Variants in BICC1 observed in about 807,000 individuals in gnomAD.
BICC1 encodes protein bicaudal C homolog 1.
In BICC1, 43 loss-of-function variants were observed where a neutral mutation model predicts 111.0. The observed-to-expected ratio is 0.39, with a 90% CI of 0.30 to 0.50. BICC1 has a LOEUF of 0.50. Ranked by LOEUF, BICC1 falls within the 20% of genes least tolerant of loss-of-function variation. The probability of loss-of-function intolerance (pLI) is 0.88; values close to 1 mark genes in which losing one functional copy is unlikely to be tolerated. For synonymous variants in BICC1, 467 were observed against 434.4 expected, an observed-to-expected ratio of 1.07 and a Z score of -0.93; for missense variants, 1,091 against 1,203.2, an observed-to-expected ratio of 0.91 and a Z score of 1.38.
chr10:58,720,418 TG>T (rs1310265922), intron 3 of BICC1, among the ~76,000 whole-genome samples: 2 of 152,244 alleles, frequency 1.3e-5, no homozygotes, highest in Admixed American at 1.3e-4. Context: ...CTGGGGATTC[TG>T]GCCCTACTTG....
intron 2 of BICC1, among the ~76,000 whole-genome samples, chr10:58,657,497 C>T (rs12569625): frequency 2.0e-5 from 3 of 152,048 alleles, no homozygotes; most frequent in Admixed American, 6.6e-5. Flanking sequence ...TGCAGGTACA[C>T]TGTGATTGAG....
intron 4 of BICC1, 49 bp downstream of exon 4, chr10:58,785,129 G>T: frequency 1.8e-6 from 2 of 1,115,872 alleles, no homozygotes; most frequent in South Asian, 3.2e-5. Context: ...GTCTCTACAA[G>T]GGCTACTTCA....
At chr10:58,520,843 T>A (rs1270664994) in intron 1 of BICC1, among the ~76,000 whole-genome samples, 1 of 148,090 alleles carries the variant, frequency 6.8e-6, no homozygotes, top group Admixed American at 6.7e-5. Flanking sequence ...ATTTTAGGAA[T>A]TTTTTTCCTG....
intron 1 of BICC1, among the ~76,000 whole-genome samples, chr10:58,544,225 A>G (rs146532531): frequency 6.6e-6 from 1 of 152,306 alleles, no homozygotes; most frequent in Non-Finnish European, 1.5e-5. Flanking sequence ...GTTATTTTCA[A>G]GCTTCCAAAT....
At chr10:58,808,866 C>G (rs920881456) in intron 17 of BICC1, among the ~76,000 whole-genome samples, 3 of 151,994 alleles carry the variant, frequency 2.0e-5, no homozygotes, top group African/African-American at 7.2e-5. Context: ...CAGACACCCA[C>G]CATCATGCCC....
At chr10:58,812,878 A>G (rs1439628852) in intron 17 of BICC1, among the ~76,000 whole-genome samples, 1 of 152,174 alleles carries the variant, frequency 6.6e-6, no homozygotes, top group Non-Finnish European at 1.5e-5. Flanking sequence ...TACTTAAGAA[A>G]GTAGACAGAG....
Position 58,658,177 on chromosome 10 carries a change from C to T in BICC1, c.237+37276C>T, listed in dbSNP as rs142285581. 1.3e-3 allele frequency among the ~76,000 whole-genome samples: 195 copies of T among 152,216 alleles called. 1 individual carries two copies. The highest frequency in any genetic ancestry group is 4.4e-3 in the African/African-American group (183 of 41,550). On this transcript the variant is annotated intron_variant, in intron 2 of 20. Transcript: ENST00000373886. ...TCAAGTCTTCACCTACAAGCCGGAG[C>T]TTTCATTAACAGCTCTCTGCTTTTT...
At chr10:58,625,217 A>G (rs1356818793) in intron 2 of BICC1, among the ~76,000 whole-genome samples, 1 of 152,210 alleles carries the variant, frequency 6.6e-6, no homozygotes, top group Non-Finnish European at 1.5e-5. Context: ...TTCTTTGGGC[A>G]GTTGTTCATG....
chr10:58,566,654 A>C (rs745741946), intron 1 of BICC1, among the ~76,000 whole-genome samples: 10 of 152,002 alleles, frequency 6.6e-5, no homozygotes, highest in South Asian at 4.1e-4. Context: ...CCGTATCCCC[A>C]TCATCATCTA....
intron 1 of BICC1, among the ~76,000 whole-genome samples, chr10:58,616,859 G>A (rs1382391413): frequency 6.6e-6 from 1 of 152,252 alleles, no homozygotes; most frequent in East Asian, 1.9e-4. Context: ...TCATGGTCTT[G>A]TTAATGATAT....
rs183109406 is a variant in BICC1, at chr10:58,821,685, C to A, written c.2794+1217C>A. Among the ~76,000 whole-genome samples the A allele has an allele frequency of 1.4e-3, 210 of 152,146 alleles. 2 individuals are homozygous for A. The highest frequency in any genetic ancestry group is 5.0e-3 in the African/African-American group (207 of 41,536). ...TTCTTCTCGGATATACTGTGTGTAC[C>A]CAAGAGGCTCTATTAATGGAACTCC... On this transcript the variant is annotated intron_variant, in intron 20 of 20. Coordinates refer to ENST00000373886, the MANE Select transcript of BICC1 (RefSeq NM_001080512.3).
At position 58,518,009 on chromosome 10, in the gene BICC1, T is replaced by C. The variant is rs556628759; in HGVS notation, c.190+4676T>C. Among the ~76,000 whole-genome samples the C allele has an allele frequency of 8.5e-5, 13 of 152,316 alleles. No homozygotes were observed. The Middle Eastern group carries it at 0.01, about 120-fold the overall frequency. On this transcript the variant is annotated intron_variant, in intron 1 of 20. Transcript: ENST00000373886. The stretch of plus-strand genomic sequence containing the variant: ...ATCTAAATATTATTATTGGCCTCCC[T>C]GGTAGCTTGCCATGTGTTGAGTATA...
rs541955605 is a variant in BICC1 at position 58,662,414 on chromosome 10, A to T, written c.238-39660A>T. ...AGGAGGTTAAATTAAAAACTTAACTAAAATGAGAACAATTGTGTTGTTCTT... is the reference window on the plus strand; with the variant it reads ...AGGAGGTTAAATTAAAAACTTAACTTAAATGAGAACAATTGTGTTGTTCTT... On this transcript the variant is annotated intron_variant, in intron 2 of 20. Transcript: ENST00000373886. 2.6e-3 allele frequency among the ~76,000 whole-genome samples: 391 copies of T among 152,346 alleles called. 2 individuals are homozygous for T. Among genetic ancestry groups the T allele is most frequent in the Non-Finnish European group, 4.0e-3 (269 of 68,030 alleles).
chr10:58,782,313 C>T (rs1842903821), intron 3 of BICC1, among the ~76,000 whole-genome samples: 1 of 152,168 alleles, frequency 6.6e-6, no homozygotes, highest in Non-Finnish European at 1.5e-5. Context: ...TCATACCACT[C>T]AAAACTTACT....
chr10:58,732,081 G>T (rs528036991), intron 3 of BICC1, among the ~76,000 whole-genome samples: 1 of 151,976 alleles, frequency 6.6e-6, no homozygotes, highest in South Asian at 2.1e-4. Context: ...GGCCTGTTTT[G>T]GCTTTCAACA....
intron 2 of BICC1, among the ~76,000 whole-genome samples, chr10:58,657,736 C>T (rs1213825984): frequency 2.0e-5 from 3 of 152,088 alleles, no homozygotes; most frequent in Non-Finnish European, 4.4e-5. Flanking sequence ...TTGCTTTTAA[C>T]TTTTTGAATT....
At chr10:58,590,999 T>TC (rs1432539069) in intron 1 of BICC1, among the ~76,000 whole-genome samples, 3 of 152,114 alleles carry the variant, frequency 2.0e-5, no homozygotes, top group African/African-American at 7.2e-5. Context: ...TTCTACTAGT[T>TC]CCCCCCTCCC....
At chr10:58,816,396 C>T (rs1429852808) in intron 18 of BICC1, among the ~76,000 whole-genome samples, 1 of 152,074 alleles carries the variant, frequency 6.6e-6, no homozygotes, top group East Asian at 1.9e-4. Context: ...ACACATTCAC[C>T]CCAAGAGATA....
intron 1 of BICC1, among the ~76,000 whole-genome samples, chr10:58,524,060 C>G (rs1043070252): frequency 2.6e-5 from 4 of 152,090 alleles, no homozygotes; most frequent in South Asian, 2.1e-4. Context: ...AGGATACAAA[C>G]AAATGGAAGA....
Sources: gnomAD v4.1 joint callset for allele counts (sites outside exome capture counted in the v4.1 genomes callset) on GRCh38, gnomAD v4.1.1 for gene constraint, MANE v1.5 for transcripts, NCBI Gene and HGNC (gene_info 2026-07-23, HGNC 2026-07-21) for gene names.